Variants in ARL5C observed in about 807,000 individuals in gnomAD.
ARL5C encodes the protein ARF like GTPase 5C, also known as putative ADP-ribosylation factor-like protein 5C.
Under a neutral mutation model 20.8 loss-of-function variants are expected in ARL5C, and 21 were observed. The observed-to-expected ratio is 1.01, with a 90% CI of 0.72 to 1.46. ARL5C has a LOEUF of 1.46. ARL5C is among the 40% of genes most tolerant of loss of function. The pLI, the probability that ARL5C is intolerant of heterozygous loss-of-function variation, is 0.00. For synonymous variants in ARL5C, 71 were observed against 81.6 expected (o/e 0.87, Z 0.70); for missense variants, 199 against 225.1 (o/e 0.88, Z 0.74).
intron 5 of ARL5C, among the ~76,000 whole-genome samples, chr17:39,158,145 A>AGGG: frequency 7.5e-6 from 1 of 133,988 alleles, no homozygotes; most frequent in African/African-American, 2.8e-5. Context: ...GGAAGGAAGG[A>AGGG]AGGAAGAGAG....
At chr17:39,161,633 C>G (rs912098405) in intron 3 of ARL5C, among the ~76,000 whole-genome samples, 2 of 152,116 alleles carry the variant, frequency 1.3e-5, no homozygotes, top group Non-Finnish European at 2.9e-5. Context: ...CCCACCTCAG[C>G]CTCCCAAGTA....
At chr17:39,159,019 C>CTGGTTTTTTTTTTTTTTTTT (rs2045420492) in intron 5 of ARL5C, among the ~76,000 whole-genome samples, 1 of 63,960 alleles carries the variant, frequency 1.6e-5, no homozygotes, top group African/African-American at 5.6e-5. Flanking sequence ...TCATTTATCA[C>CTGGTTTTTTTTTTTTTTTTT]TTGTTTTTTT....
intron 5 of ARL5C, among the ~76,000 whole-genome samples, chr17:39,159,033 T>G (rs1419211656): frequency 8.1e-6 from 1 of 124,014 alleles, no homozygotes; most frequent in Admixed American, 8.1e-5. Flanking sequence ...TTTTTTTTTT[T>G]TTTTTTTTTT....
rs1009858224 is a variant in ARL5C, at chr17:39,160,869, C to T, written c.340-127G>A. On this transcript the variant is annotated intron_variant, in intron 4 of 5. Coordinates refer to ENST00000269586, the MANE Select transcript of ARL5C (RefSeq NM_001143968.1). ...AAGAGAGGCCCATGCCTGGATGGGG[C>T]AGAGATGGGGGCCCTGCCACAATGG... 4.4e-6 allele frequency: 5 copies of T among 1,144,412 alleles called. No individual in the cohort carries two copies. In the Admixed American group the frequency reaches 1.1e-4, roughly 25 times the overall value. 70.9% of individuals were successfully genotyped at this position (1,144,412 alleles called of 1,614,324 possible). A position where few individuals can be genotyped will look rare whatever the true frequency, so the allele number is the denominator to read the frequency against.
At chr17:39,159,100 G>C (rs2045421703) in intron 5 of ARL5C, among the ~76,000 whole-genome samples, 1 of 120,388 alleles carries the variant, frequency 8.3e-6, no homozygotes, top group African/African-American at 3.2e-5. Flanking sequence ...AACATGGTCA[G>C]AGCTCAGTGC....
chr17:39,160,324 C>CA (rs35532222), intron 5 of ARL5C: 27,117 of 269,840 alleles, frequency 0.1, 572 homozygotes, highest in African/African-American at 0.16. Flanking sequence ...AACTCTGTCT[C>CA]AAAAAAAAAA....
intron 5 of ARL5C, among the ~76,000 whole-genome samples, chr17:39,157,253 G>A (rs1183945725): frequency 6.6e-6 from 1 of 152,180 alleles, no homozygotes; most frequent in Admixed American, 6.5e-5. Flanking sequence ...AGAGGCCTCT[G>A]GATGCCTGAG....
At chr17:39,164,827 G>A in intron 2 of ARL5C, 1 of 448,836 alleles carries the variant, frequency 2.2e-6, no homozygotes. Context: ...GGCAGGCCTG[G>A]AGCTGGGTTT....
intron 5 of ARL5C, among the ~76,000 whole-genome samples, chr17:39,158,881 T>C (rs2045419781): frequency 6.6e-6 from 1 of 151,866 alleles, no homozygotes; most frequent in African/African-American, 2.4e-5. Context: ...TCTGGATATG[T>C]TGCCCAGGCT....
intron 1 of ARL5C, chr17:39,165,381 T>C: frequency 3.4e-6 from 2 of 591,860 alleles, no homozygotes; most frequent in Non-Finnish European, 6.0e-6. Context: ...CCCGGGGCGC[T>C]TCGGGGCTTG....
intron 5 of ARL5C, among the ~76,000 whole-genome samples, chr17:39,157,831 C>T (rs71369720): frequency 0.059 from 8,879 of 150,056 alleles, 394 homozygotes; most frequent in African/African-American, 0.12. Flanking sequence ...CAGTGGCTCA[C>T]GCCTGTAATC....
At chr17:39,157,481 T>TG (rs1199020831) in intron 5 of ARL5C, among the ~76,000 whole-genome samples, 1 of 152,034 alleles carries the variant, frequency 6.6e-6, no homozygotes, top group Non-Finnish European at 1.5e-5. Context: ...ACAGGGAACA[T>TG]GGGGGGTACT....
intron 3 of ARL5C, among the ~76,000 whole-genome samples, 188 bp downstream of exon 3, chr17:39,162,523 A>T (rs1183057929): frequency 6.6e-6 from 1 of 151,826 alleles, no homozygotes; most frequent in African/African-American, 2.4e-5. Flanking sequence ...CTGGTTTCGA[A>T]CTCTTGACCT....
At chr17:39,164,423 GT>G (rs2045452842) in intron 2 of ARL5C, 1 of 152,194 alleles carries the variant, frequency 6.6e-6, no homozygotes, top group Non-Finnish European at 1.5e-5. Context: ...GTTACGCAAA[GT>G]TACAATAGGA....
In ARL5C at chr17:39,158,125, GAGGGAGGAAGGAAGGA is replaced by G. The variant is rs1236988764; in HGVS notation, c.492-1199_492-1184del. 1.7e-4 allele frequency among the ~76,000 whole-genome samples: 20 copies of G among 116,566 alleles called. No homozygotes were observed. In the South Asian group the frequency reaches 5.8e-3, roughly 34 times the overall value. 76.5% of individuals were successfully genotyped at this position (116,566 alleles called of 152,430 possible). ...AAAGGGAAGGAGGGAGGGAGGGAGG[GAGGGAGGAAGGAAGGA>G]AGGAAGGAAGAGAGGGAGGAAGTGA... On this transcript the variant is annotated intron_variant, in intron 5 of 5. Transcript: ENST00000269586.
At chr17:39,161,241 G>A (rs1311976877) in intron 4 of ARL5C, 27 bp downstream of exon 4, 2 of 1,545,794 alleles carry the variant, frequency 1.3e-6, no homozygotes, top group Non-Finnish European at 1.8e-6. Context: ...GTACCACTGG[G>A]CCCTCTCCCA....
In ARL5C at chr17:39,165,130, A is replaced by G; in HGVS notation, c.56T>C (p.Val19Ala). The G allele has an allele frequency of 6.4e-7, 1 of 1,551,242 alleles. No individual in the cohort carries two copies. Among genetic ancestry groups the G allele is most frequent in the Non-Finnish European group, 8.7e-7 (1 of 1,146,804 alleles). Residue 19 changes from valine to alanine, a missense_variant, in exon 2 of 6, where the codon GTC becomes GCC. Val to Ala is a moderately conservative substitution (Grantham distance 64). Transcript: ENST00000269586. ...TTCATTGTCCAGTCCCACGATGATG[A>G]CCGTGTGCTCTGGAAGCGTCGGAGG... ...MSIFGNQEHT[V>A]IIVGLDNEGK...
Position 39,162,765 on chromosome 17 carries a change from T to A in ARL5C, c.201A>T (p.Ile67=). Residue 67 remains isoleucine, a synonymous_variant, in exon 3 of 6, where the codon ATA becomes ATT. Transcript: ENST00000269586. ...TAAAGCTCAGAGCCTCAGGTCTCAC[T>A]ATGTCCCACATGAAGAAGTGGGTCT... is the stretch of plus-strand genomic sequence containing the variant. The part of the protein sequence containing the change: ...LPKTHFFMWD[I]VRPEALSFIW... 6.4e-7 allele frequency: 1 copy of A among 1,551,734 alleles called. No individual in the cohort carries two copies. Among genetic ancestry groups the A allele is most frequent in the South Asian group, 1.2e-5 (1 of 84,056 alleles).
At chr17:39,160,515 C>A in intron 5 of ARL5C, 76 bp downstream of exon 5, 1 of 1,497,856 alleles carries the variant, frequency 6.7e-7, no homozygotes, top group Non-Finnish European at 9.0e-7. Context: ...AGGAGAGAGG[C>A]AGGAGAAGGG....
Sources: gnomAD v4.1 joint callset for allele counts (sites outside exome capture counted in the v4.1 genomes callset) on GRCh38, gnomAD v4.1.1 for gene constraint, MANE v1.5 for transcripts, NCBI Gene and HGNC (gene_info 2026-07-23, HGNC 2026-07-21) for gene names.